Variants in EWSR1 observed in about 807,000 individuals in gnomAD.
EWSR1 encodes RNA-binding protein EWS.
In EWSR1, 14 loss-of-function variants were observed where a neutral mutation model predicts 92.1. That is an observed-to-expected ratio of 0.15 (90% CI 0.10 to 0.24). EWSR1 has a LOEUF of 0.24. Among genes scored for constraint, EWSR1 ranks in the 10% least tolerant of loss-of-function variants. The pLI is 1.00. For synonymous variants in EWSR1, 303 were observed against 292.9 expected, an observed-to-expected ratio of 1.03 and a Z score of -0.35; for missense variants, 637 against 870.9, an observed-to-expected ratio of 0.73 and a Z score of 3.38.
At chr22:29,298,501 C>T (rs1280120295) in intron 13 of EWSR1, among the ~76,000 whole-genome samples, 24 of 136,646 alleles carry the variant, frequency 1.8e-4, no homozygotes, top group Admixed American at 1.2e-3. Flanking sequence ...TGTGAGACTC[C>T]GTCTCCAAAA....
chr22:29,269,027 T>A (rs1412078206), intron 1 of EWSR1, among the ~76,000 whole-genome samples: 1 of 152,116 alleles, frequency 6.6e-6, no homozygotes, highest in African/African-American at 2.4e-5. Context: ...CTTGGGCTTC[T>A]CCATTTTTAT....
Position 29,292,514 on chromosome 22 carries a change from T to A in EWSR1, c.1072T>A (p.Ser358Thr). 1 of 1,613,566 alleles carries A rather than the reference T, an allele frequency of 6.2e-7. No individual in the cohort carries two copies. The highest frequency in any genetic ancestry group is 1.3e-5 in the African/African-American group (1 of 75,038). ...CCCACCTGTAGATCCAGATGAAGAC[T>A]CTGACAACAGTGCAATTTATGTACA... ...LGPPVDPDED[S>T]DNSAIYVQGL... is the part of the protein sequence containing the mutation. Residue 358 changes from serine (S) to threonine (T), a missense_variant, in exon 11 of 17, where the codon TCT (serine) becomes ACT (threonine). By Grantham distance (58) the Ser-to-Thr change is moderately conservative. Around this residue, in one of 5 missense-constraint regions of EWSR1, gnomAD observed 363 missense variants for 447.8 expected, o/e 0.81. Transcript: ENST00000397938.
chr22:29,268,710 C>T (rs1038368181), intron 1 of EWSR1, among the ~76,000 whole-genome samples: 7 of 152,368 alleles, frequency 4.6e-5, no homozygotes, highest in South Asian at 2.1e-4. Flanking sequence ...TTGGCCAGGC[C>T]TCAAGCCGGT....
chr22:29,292,294 T>G, intron 10 of EWSR1, 125 bp downstream of exon 10: 2 of 1,137,202 alleles, frequency 1.8e-6, no homozygotes, highest in South Asian at 2.5e-5. Context: ...AAGGACAGTT[T>G]GGGAAATCCT....
intron 13 of EWSR1, among the ~76,000 whole-genome samples, chr22:29,298,459 A>G (rs1382279302): frequency 6.7e-6 from 1 of 150,244 alleles, no homozygotes; most frequent in Non-Finnish European, 1.5e-5. Context: ...GTGAGCAAAG[A>G]TCGTGCCACT....
At chr22:29,298,507 CAAAAAAAAA>C (rs35896020) in intron 13 of EWSR1, among the ~76,000 whole-genome samples, 1 of 107,228 alleles carries the variant, frequency 9.3e-6, no homozygotes, top group Non-Finnish European at 2.0e-5. Flanking sequence ...ACTCCGTCTC[CAAAAAAAAA>C]AAAAAAAAAT....
At chr22:29,297,572 T>A (rs1221075091) in intron 12 of EWSR1, among the ~76,000 whole-genome samples, 1 of 152,136 alleles carries the variant, frequency 6.6e-6, no homozygotes. Context: ...TGCGTGCCTG[T>A]AGTCCCAGCT....
chr22:29,294,075 G>T (rs2060650309), intron 11 of EWSR1, among the ~76,000 whole-genome samples: 1 of 151,590 alleles, frequency 6.6e-6, no homozygotes, highest in Non-Finnish European at 1.5e-5. Flanking sequence ...GGTTGGTCAG[G>T]CTGGTCTTGA....
intron 8 of EWSR1, chr22:29,290,419 A>C: frequency 1.2e-6 from 2 of 1,611,270 alleles, no homozygotes; most frequent in Non-Finnish European, 1.7e-6. Flanking sequence ...ACAGGTTACA[A>C]AGTGAGAGCC....
intron 1 of EWSR1, among the ~76,000 whole-genome samples, chr22:29,270,367 A>T (rs1370336827): frequency 6.6e-6 from 1 of 152,202 alleles, no homozygotes; most frequent in Non-Finnish European, 1.5e-5. Context: ...TCAGTGGCTC[A>T]CTTTTGGGGG....
chr22:29,292,433 A>G, intron 10 of EWSR1, 55 bp from the exon 11 acceptor site: 1 of 1,217,156 alleles, frequency 8.2e-7, no homozygotes, highest in Non-Finnish European at 1.2e-6. Context: ...TCAGGTAGTT[A>G]AGAAACCCCT....
chr22:29,281,468 C>T (rs1271143797), intron 5 of EWSR1, among the ~76,000 whole-genome samples: 1 of 152,058 alleles, frequency 6.6e-6, no homozygotes, highest in African/African-American at 2.4e-5. Flanking sequence ...CCATACCTGG[C>T]TAATATTTTT....
intron 9 of EWSR1, 123 bp from the exon 10 acceptor site, chr22:29,292,014 C>A: frequency 1.2e-6 from 1 of 866,700 alleles, no homozygotes; most frequent in Non-Finnish European, 2.0e-6. Context: ...CAGTGCGGGT[C>A]ATTTTGAGTT....
intron 4 of EWSR1, chr22:29,277,397 AAAG>A (rs772072758): frequency 1.0e-4 from 23 of 223,176 alleles, no homozygotes; most frequent in Non-Finnish European, 1.7e-4. Context: ...ATTTACAAAA[AAAG>A]GATAAACTGT....
intron 4 of EWSR1, chr22:29,277,547 T>C (rs1277046390): frequency 4.4e-6 from 1 of 228,938 alleles, no homozygotes; most frequent in Admixed American, 5.7e-5. Flanking sequence ...CAGGTTTTAG[T>C]GCTAGAACTA....
At chr22:29,299,012 C>T in intron 14 of EWSR1, 117 bp downstream of exon 14, 1 of 1,334,502 alleles carries the variant, frequency 7.5e-7, no homozygotes, top group Non-Finnish European at 1.0e-6. Context: ...ACCCTGATGG[C>T]TGGTTAGGGA....
chr22:29,276,610 T>C (rs1259373094), intron 4 of EWSR1: 1 of 226,844 alleles, frequency 4.4e-6, no homozygotes, highest in East Asian at 6.3e-5. Context: ...TATGGAAGCT[T>C]TTTCTTTAGT....
At chr22:29,289,095 T>C (rs746478483) in intron 8 of EWSR1, 18 of 321,766 alleles carry the variant, frequency 5.6e-5, no homozygotes, top group Non-Finnish European at 8.5e-5. Context: ...AGATTTGGGA[T>C]GGAACACACA....
rs537969245 is a variant in EWSR1 at position 29,300,477 on chromosome 22, TG to T, written c.*317del. ...ACTGTAACAATGTTCATGGTTGTGA[TG>T]TTTTTTTTTTTTTTTTAAATAAAAT... On this transcript the variant is annotated 3_prime_UTR_variant, in exon 17 of 17. Coordinates refer to ENST00000397938, the MANE Select transcript of EWSR1 (RefSeq NM_005243.4). 1.3e-3 allele frequency: 339 copies of T among 266,706 alleles called. 5 individuals are homozygous for T. The Admixed American group carries it at 0.015, about 11-fold the overall frequency. 16.5% of individuals were successfully genotyped at this position (266,706 alleles called of 1,614,324 possible).
Sources: allele counts gnomAD v4.1 joint callset (sites outside exome capture counted in the v4.1 genomes callset), GRCh38; gene constraint gnomAD v4.1.1; regional missense constraint gnomAD v4.1.1; transcripts MANE v1.5; gene names NCBI Gene and HGNC (gene_info 2026-07-23, HGNC 2026-07-21).